Variants in ARB2A observed in about 807,000 individuals in gnomAD.
The protein encoded by ARB2A is cotranscriptional regulator ARB2A.
chr5:93,618,120 A>G, the ARB2A span: 1 of 151,974 alleles, frequency 6.6e-6, no homozygotes, highest in South Asian at 2.1e-4. Flanking sequence ...TATAATATAC[A>G]GGAAAAGCTT....
chr5:93,862,764 G>T, the ARB2A span: 1 of 152,114 alleles, frequency 6.6e-6, no homozygotes, highest in Non-Finnish European at 1.5e-5. Context: ...GAACTTTCTA[G>T]ATGATGTTTA....
At chr5:94,058,341 T>C in the ARB2A span, among the ~76,000 whole-genome samples, 7 of 152,222 alleles carry the variant, frequency 4.6e-5, no homozygotes, top group Admixed American at 4.6e-4. Flanking sequence ...GTCTGGTATC[T>C]ATGAAAAATG....
the ARB2A span, among the ~76,000 whole-genome samples, chr5:93,659,325 C>T: frequency 6.6e-6 from 1 of 151,990 alleles, no homozygotes; most frequent in Non-Finnish European, 1.5e-5. Context: ...CAGTTTGGCT[C>T]TTATAAAGTG....
At chr5:94,063,228 G>C in the ARB2A span, among the ~76,000 whole-genome samples, 4 of 151,902 alleles carry the variant, frequency 2.6e-5, no homozygotes, top group African/African-American at 9.7e-5. Context: ...GCCATCCAGG[G>C]GCCTGGGGAT....
chr5:93,702,578 A>T, the ARB2A span, among the ~76,000 whole-genome samples: 4 of 152,176 alleles, frequency 2.6e-5, no homozygotes, highest in African/African-American at 9.6e-5. Context: ...TATTCAGAAA[A>T]GTATCTGACA....
chr5:93,899,434 G>GA, the ARB2A span, among the ~76,000 whole-genome samples: 1 of 152,042 alleles, frequency 6.6e-6, no homozygotes, highest in East Asian at 1.9e-4. Context: ...ATTAATGGAA[G>GA]AAAAAAGCAG....
At chr5:93,754,835 A>C in the ARB2A span, among the ~76,000 whole-genome samples, 1 of 152,120 alleles carries the variant, frequency 6.6e-6, no homozygotes, top group Non-Finnish European at 1.5e-5. Context: ...TTTTCCTTCA[A>C]CTATTAATTT....
the ARB2A span, among the ~76,000 whole-genome samples, chr5:93,808,623 C>A: frequency 1.3e-5 from 2 of 151,698 alleles, no homozygotes; most frequent in Non-Finnish European, 2.9e-5. Context: ...TCTTAAAAAC[C>A]TGATTAGAAT....
the ARB2A span, among the ~76,000 whole-genome samples, chr5:93,673,754 G>T: frequency 1.1e-4 from 17 of 152,242 alleles, no homozygotes; most frequent in Admixed American, 1.1e-3. Flanking sequence ...TACTGTAAGT[G>T]GGGGTAAATG....
At chr5:93,986,723 C>G in the ARB2A span, among the ~76,000 whole-genome samples, 2 of 152,106 alleles carry the variant, frequency 1.3e-5, no homozygotes, top group Non-Finnish European at 2.9e-5. Context: ...ACCCCCAACC[C>G]GGTGCTCTCG....
chr5:93,709,609 G>A, the ARB2A span, among the ~76,000 whole-genome samples: 3 of 135,970 alleles, frequency 2.2e-5, no homozygotes, highest in African/African-American at 8.7e-5. Flanking sequence ...CTCCAGCCTG[G>A]GTGACAGGGT....
At chr5:93,741,645 C>G in the ARB2A span, 1 of 1,422,228 alleles carries the variant, frequency 7.0e-7, no homozygotes, top group Non-Finnish European at 9.2e-7. Context: ...CCCTCAAGCC[C>G]CGCCCCCCAG....
chr5:94,039,758 T>C, the ARB2A span, among the ~76,000 whole-genome samples: 16 of 152,062 alleles, frequency 1.1e-4, no homozygotes, highest in Admixed American at 7.2e-4. Context: ...CTGGCAACCA[T>C]AGAAGGGACT....
the ARB2A span, among the ~76,000 whole-genome samples, chr5:93,989,749 A>G: frequency 2.6e-5 from 4 of 152,114 alleles, no homozygotes; most frequent in Non-Finnish European, 5.9e-5. Context: ...AACAGAGCCC[A>G]TTTTTTTCTG....
the ARB2A span, among the ~76,000 whole-genome samples, chr5:93,674,040 G>A: frequency 1.3e-5 from 2 of 152,004 alleles, no homozygotes; most frequent in Non-Finnish European, 2.9e-5. Context: ...TTTATCTTAA[G>A]GAGTCTAATC....
chr5:93,850,610 A>G, the ARB2A span, among the ~76,000 whole-genome samples: 4 of 152,128 alleles, frequency 2.6e-5, no homozygotes, highest in African/African-American at 9.7e-5. Flanking sequence ...TTTATTCTTA[A>G]CTACATTACA....
At chr5:93,740,884 T>C in the ARB2A span, 1 of 1,613,960 alleles carries the variant, frequency 6.2e-7, no homozygotes, top group South Asian at 1.1e-5. Context: ...CTGGAAGAAT[T>C]TCTCCAGGCT....
the ARB2A span, among the ~76,000 whole-genome samples, chr5:94,062,144 C>T: frequency 1.3e-5 from 2 of 152,004 alleles, no homozygotes; most frequent in Non-Finnish European, 2.9e-5. Flanking sequence ...TTGACAGGCA[C>T]GAAAAAGCAA....
chr5:94,005,413 G>T, the ARB2A span, among the ~76,000 whole-genome samples: 1 of 152,112 alleles, frequency 6.6e-6, no homozygotes, highest in East Asian at 1.9e-4. Flanking sequence ...TCACCATATT[G>T]CCCAGGGTGG....
Sources: gnomAD v4.1 joint callset for allele counts (sites outside exome capture counted in the v4.1 genomes callset) on GRCh38, gnomAD v4.1.1 for gene constraint, MANE v1.5 for transcripts, NCBI Gene and HGNC (gene_info 2026-07-23, HGNC 2026-07-21) for gene names.